Variants in PLA2G4C observed in about 807,000 individuals in gnomAD.
The protein encoded by PLA2G4C is cytosolic phospholipase A2 gamma.
Under a neutral mutation model 73.8 loss-of-function variants are expected in PLA2G4C, and 64 were observed. The ratio of observed to expected loss-of-function variants is 0.87; its 90% CI spans 0.71 to 1.07. The LOEUF (loss-of-function observed/expected upper bound fraction) is 1.07, where lower values mean the gene tolerates loss of function less well. PLA2G4C is among the 50% of genes least tolerant of loss of function. The pLI, the probability that PLA2G4C is intolerant of heterozygous loss-of-function variation, is 0.00. For synonymous variants in PLA2G4C, 254 were observed against 252.1 expected (o/e 1.01, Z -0.07); for missense variants, 622 against 665.4 (o/e 0.93, Z 0.72).
intron 6 of PLA2G4C, chr19:48,097,251 C>CTTCTTTTTTTTTTTTTTTTTTT (rs1340148092): frequency 1.2e-5 from 1 of 86,576 alleles, no homozygotes; most frequent in African/African-American, 4.8e-5. Context: ...TTTCTTTTTT[C>CTTCTTTTTTTTTTTTTTTTTTT]TTTTTTTTTT....
chr19:48,105,075 G>A (rs1483894945), intron 3 of PLA2G4C, among the ~76,000 whole-genome samples: 1 of 99,774 alleles, frequency 1.0e-5, no homozygotes, highest in African/African-American at 4.0e-5. Flanking sequence ...AGAGCGAGAC[G>A]TTGTCTCAAA....
At chr19:48,109,101 C>G (rs1354219271) in intron 1 of PLA2G4C, among the ~76,000 whole-genome samples, 1 of 152,140 alleles carries the variant, frequency 6.6e-6, no homozygotes, top group Non-Finnish European at 1.5e-5. Context: ...AGGTTAGAAA[C>G]AAGATGGTCA....
At chr19:48,079,044 T>C (rs747637592) in intron 10 of PLA2G4C, among the ~76,000 whole-genome samples, 2 of 152,060 alleles carry the variant, frequency 1.3e-5, no homozygotes, top group Non-Finnish European at 2.9e-5. Flanking sequence ...ATTTTTGTAT[T>C]TGTAGTAGAG....
At chr19:48,106,480 A>T (rs1252396105) in intron 2 of PLA2G4C, 42 bp downstream of exon 2, 1 of 1,472,916 alleles carries the variant, frequency 6.8e-7, no homozygotes, top group Non-Finnish European at 9.5e-7. Flanking sequence ...CATTACACAA[A>T]TGCTCTGCTT....
At chr19:48,083,648 C>T (rs367957089) in intron 10 of PLA2G4C, among the ~76,000 whole-genome samples, 4,151 of 151,660 alleles carry the variant, frequency 0.027, 149 homozygotes, top group African/African-American at 0.084. Flanking sequence ...GGTTTCTCCA[C>T]GTTGGTCAGG....
Position 48,053,358 on chromosome 19 carries a change from T to TTTTTC in PLA2G4C, c.1430-212_1430-211insGAAAA, listed in dbSNP as rs1439390080. 1.1e-3 allele frequency among the ~76,000 whole-genome samples: 138 copies of TTTTTC among 126,374 alleles called. 3 individuals are homozygous for TTTTTC. Among genetic ancestry groups the TTTTTC allele is most frequent in the African/African-American group, 4.4e-3 (136 of 30,850 alleles). The allele number at this position is 126,374 out of a possible 152,430, so 82.9% of individuals were successfully genotyped here. On this transcript the variant is annotated intron_variant, in intron 15 of 16. Transcript: ENST00000599921. ...TTATGATCCATGCCCCTTCCGGTCC[T>TTTTTC]TTTTTCTTTTTTTTTTTTTTTTTTT...
At chr19:48,074,917 C>A (rs754492869) in intron 11 of PLA2G4C, 43 bp from the exon 12 acceptor site, 1 of 1,311,170 alleles carries the variant, frequency 7.6e-7, no homozygotes, top group South Asian at 1.3e-5. Context: ...TGTCCAAGTA[C>A]CCTACCAAGA....
chr19:48,104,192 A>C (rs2032051569), intron 4 of PLA2G4C: 2 of 164,878 alleles, frequency 1.2e-5, no homozygotes, highest in Non-Finnish European at 1.3e-5. Context: ...GGCGTGAGCC[A>C]CCACACCTGG....
At chr19:48,075,832 G>C (rs2030114324) in intron 11 of PLA2G4C, among the ~76,000 whole-genome samples, 1 of 152,158 alleles carries the variant, frequency 6.6e-6, no homozygotes, top group South Asian at 2.1e-4. Context: ...CACCAGGCTG[G>C]AGTGCAGTGG....
At chr19:48,082,970 C>G (rs570758) in intron 10 of PLA2G4C, among the ~76,000 whole-genome samples, 9,810 of 151,812 alleles carry the variant, frequency 0.065, 642 homozygotes, top group African/African-American at 0.16. Context: ...CCCGCCACTA[C>G]GCCCGGCTAA....
Position 48,099,678 on chromosome 19 carries a change from G to C in PLA2G4C, c.440C>G (p.Thr147Ser), listed in dbSNP as rs1305025105. Reference sequence around the variant, plus strand: ...CAGCTGGGAATGACTTACTTCTCTGGTTTGCTTAGAGATAACCATGTAGGC... The same window carrying C: ...CAGCTGGGAATGACTTACTTCTCTGCTTTGCTTAGAGATAACCATGTAGGC... ...FWAYMVISKQ[T>S]RELPESHLSN... The change falls in exon 5 of 17, where the codon ACC becomes AGC. Residue 147 changes from threonine (T) to serine (S), a missense_variant. Transcript: ENST00000599921. The C allele has an allele frequency of 6.2e-7, 1 of 1,612,640 alleles. No homozygotes were observed. The highest frequency in any genetic ancestry group is 2.2e-5 in the East Asian group (1 of 44,856).
In PLA2G4C at chr19:48,067,364, T is replaced by C. The variant is rs374708111; in HGVS notation, c.1102+427A>G. ...TGTATTTTTAGTAGGGACAGGGTTT[T>C]ACCATGTTGGCCAAGCTAGTCTTGA... is the stretch of plus-strand genomic sequence containing the variant. On this transcript the variant is annotated intron_variant, in intron 13 of 16. Transcript: ENST00000599921. Among the ~76,000 whole-genome samples the C allele has an allele frequency of 5.9e-5, 9 of 152,064 alleles. No homozygotes were observed. The East Asian group carries it at 1.4e-3, about 23-fold the overall frequency.
intron 12 of PLA2G4C, among the ~76,000 whole-genome samples, chr19:48,073,270 G>C (rs2029917451): frequency 6.6e-6 from 1 of 151,988 alleles, no homozygotes; most frequent in Non-Finnish European, 1.5e-5. Flanking sequence ...AGCTGGTTTT[G>C]AACTCCTGGG....
At chr19:48,056,819 C>T (rs901208740) in intron 14 of PLA2G4C, among the ~76,000 whole-genome samples, 2 of 122,326 alleles carry the variant, frequency 1.6e-5, no homozygotes, top group South Asian at 5.3e-4. Context: ...GCAACAAGAA[C>T]GAGACTCTGT....
intron 14 of PLA2G4C, 151 bp from the exon 15 acceptor site, chr19:48,055,200 G>T: frequency 1.5e-6 from 1 of 677,446 alleles, no homozygotes; most frequent in Non-Finnish European, 2.5e-6. Flanking sequence ...AACATCTTCT[G>T]TAAGGGAAAG....
intron 15 of PLA2G4C, 87 bp from the exon 16 acceptor site, chr19:48,053,234 T>C: frequency 2.9e-6 from 3 of 1,039,364 alleles, no homozygotes; most frequent in East Asian, 2.5e-5. Flanking sequence ...CATCAGGGCT[T>C]GGCAAACTAC....
At chr19:48,060,675 G>A (rs1968136293) in intron 14 of PLA2G4C, among the ~76,000 whole-genome samples, 1 of 152,138 alleles carries the variant, frequency 6.6e-6, no homozygotes, top group Non-Finnish European at 1.5e-5. Flanking sequence ...CCAAGACCTT[G>A]ATATCTCATT....
chr19:48,077,708 G>A, intron 11 of PLA2G4C, 63 bp downstream of exon 11: 1 of 1,205,430 alleles, frequency 8.3e-7, no homozygotes, highest in Non-Finnish European at 1.2e-6. Flanking sequence ...GACAATGGCT[G>A]GCTTCAAGCC....
chr19:48,065,287 C>G (rs1489748942), intron 13 of PLA2G4C, among the ~76,000 whole-genome samples: 1 of 142,436 alleles, frequency 7.0e-6, no homozygotes. Flanking sequence ...CGGGGGGGGG[C>G]TTCCAGGTTA....
Sources: allele counts gnomAD v4.1 joint callset (sites outside exome capture counted in the v4.1 genomes callset), GRCh38; gene constraint gnomAD v4.1.1; transcripts MANE v1.5; gene names NCBI Gene and HGNC (gene_info 2026-07-23, HGNC 2026-07-21).